DMD: variants seen among roughly 807,000 people sequenced by gnomAD.
DMD encodes dystrophin.
Under a neutral mutation model 330.1 loss-of-function variants are expected in DMD, and 63 were observed. The observed-to-expected ratio is 0.19, with a 90% CI of 0.16 to 0.24. The LOEUF is 0.24. Ranked by LOEUF, DMD falls within the 10% of genes least tolerant of loss-of-function variation. DMD has a pLI of 1.00. For synonymous variants in DMD, 1,223 were observed against 959.8 expected (o/e 1.27, Z -5.07); for missense variants, 3,344 against 2,684.1 (o/e 1.25, Z -5.43).
intron 1 of DMD, among the ~76,000 whole-genome samples, chrX:33,246,620 TTCTC>T (rs779062177): frequency 1.1e-4 from 12 of 111,972 alleles, no homozygotes; most frequent in African/African-American, 3.9e-4. Flanking sequence ...ATAAGAATCA[TTCTC>T]TCAGGCATTA....
chrX:33,008,793 C>CGTATATACACGTATATATGT (rs2093452887), intron 2 of DMD, among the ~76,000 whole-genome samples: 2 of 58,150 alleles, frequency 3.4e-5, no homozygotes, highest in Non-Finnish European at 6.4e-5. Flanking sequence ...ACTATATATA[C>CGTATATACACGTATATATGT]GTATATATAC....
intron 34 of DMD, among the ~76,000 whole-genome samples, chrX:32,372,735 G>A (rs193246580): frequency 2.7e-5 from 3 of 111,152 alleles, no homozygotes; most frequent in Admixed American, 9.6e-5. Flanking sequence ...GGGCTATGTC[G>A]CTGTAGGAAG....
chrX:32,653,495 T>C (rs1238667861), intron 9 of DMD, among the ~76,000 whole-genome samples: 3 of 111,365 alleles, frequency 2.7e-5, no homozygotes, highest in Non-Finnish European at 5.7e-5. Context: ...TCTGAGGGCT[T>C]TGTTCTGTTC....
At chrX:33,279,367 A>T (rs902628939) in intron 1 of DMD, among the ~76,000 whole-genome samples, 1 of 111,190 alleles carries the variant, frequency 9.0e-6, no homozygotes, top group Non-Finnish European at 1.9e-5. Flanking sequence ...TTTTTCACTC[A>T]GTATAAATTA....
At chrX:32,500,619 A>G (rs2043956559) in intron 19 of DMD, among the ~76,000 whole-genome samples, 1 of 111,838 alleles carries the variant, frequency 8.9e-6, no homozygotes, top group African/African-American at 3.2e-5. Context: ...ACATAATTTT[A>G]TTTAACATGA....
At chrX:32,742,469 G>A (rs1267565323) in intron 7 of DMD, among the ~76,000 whole-genome samples, 1 of 111,171 alleles carries the variant, frequency 9.0e-6, no homozygotes, top group Non-Finnish European at 1.9e-5. Context: ...ATGCCTCATA[G>A]GTAAGAGGAA....
At chrX:32,136,583 AAAC>A (rs1745531529) in intron 44 of DMD, among the ~76,000 whole-genome samples, 1 of 111,283 alleles carries the variant, frequency 9.0e-6, no homozygotes. Context: ...AAACAAAACA[AAAC>A]AAAACAAAAC....
intron 44 of DMD, among the ~76,000 whole-genome samples, chrX:32,031,434 C>T (rs746027159): frequency 2.1e-4 from 23 of 110,781 alleles, no homozygotes; most frequent in African/African-American, 6.9e-4. Context: ...TAGAGCAATA[C>T]CATTTGCGCT....
chrX:31,934,056 T>C (rs905034877), intron 45 of DMD, among the ~76,000 whole-genome samples: 20 of 111,550 alleles, frequency 1.8e-4, no homozygotes, highest in African/African-American at 6.5e-4. Context: ...ATATACGTTA[T>C]ATACCTTGTC....
chrX:32,632,465 C>T (rs950946742), intron 11 of DMD, among the ~76,000 whole-genome samples: 15 of 112,416 alleles, frequency 1.3e-4, no homozygotes, highest in South Asian at 3.7e-4. Flanking sequence ...GTGGGGACTA[C>T]GTGTGGGGGA....
At chrX:31,880,903 A>G (rs1181169869) in intron 47 of DMD, among the ~76,000 whole-genome samples, 1 of 112,071 alleles carries the variant, frequency 8.9e-6, no homozygotes, top group Admixed American at 9.5e-5. Flanking sequence ...ATTCTTAATT[A>G]GTTCAAAAGA....
chrX:32,592,798 T>C (rs12010954), intron 13 of DMD, among the ~76,000 whole-genome samples: 25,533 of 111,510 alleles, frequency 0.23, 4,849 homozygotes, highest in African/African-American at 0.64. Flanking sequence ...TGCTGTAACA[T>C]GCTCCTTGGG....
At chrX:32,679,902 C>T (rs367596367) in intron 9 of DMD, among the ~76,000 whole-genome samples, 441 of 23,585 alleles carry the variant, frequency 0.019, 16 homozygotes, top group African/African-American at 0.071. Flanking sequence ...AATATTTGTA[C>T]TTTTTTTTTT....
In DMD at chrX:32,430,648, C is replaced by A. The variant is rs757604642; in HGVS notation, c.4071+7593G>T. The stretch of plus-strand genomic sequence containing the variant: ...ATAGGCAATATGCTTTACAGTAGAT[C>A]TCTAGGAATTATCTATATTGTATAA... On this transcript the variant is annotated intron_variant, in intron 29 of 78. Transcript: ENST00000357033. Among the ~76,000 whole-genome samples, 10 of 111,581 alleles carry A rather than the reference C, an allele frequency of 9.0e-5. No individual in the cohort carries two copies. The South Asian group carries it at 1.5e-3, about 17-fold the overall frequency.
chrX:32,848,945 T>C (rs2080910287), intron 3 of DMD, among the ~76,000 whole-genome samples: 1 of 110,975 alleles, frequency 9.0e-6, no homozygotes, highest in Non-Finnish European at 1.9e-5. Context: ...TAACTGACTT[T>C]GAACGACAGC....
chrX:31,151,572 A>G lies in DMD; in HGVS notation c.10554-4054T>C, dbSNP rs960698210. Among the ~76,000 whole-genome samples, 4 of 112,407 alleles carry G rather than the reference A, an allele frequency of 3.6e-5. No individual in the cohort carries two copies. The Admixed American group carries it at 3.8e-4, about 11-fold the overall frequency. ...ATTTATTTATAAGGACCCTTGTTCA[A>G]GAGGCATGGTTTGGTATATACAACA... is the stretch of plus-strand genomic sequence containing the variant. On this transcript the variant is annotated intron_variant, in intron 74 of 78. Transcript: ENST00000357033.
intron 60 of DMD, among the ~76,000 whole-genome samples, chrX:31,399,664 A>C (rs770521881): frequency 9.0e-6 from 1 of 111,413 alleles, no homozygotes; most frequent in Non-Finnish European, 1.9e-5. Flanking sequence ...AGAAAGCTGT[A>C]GCTATAGAAG....
At chrX:32,725,048 G>A (rs182186798) in intron 7 of DMD, among the ~76,000 whole-genome samples, 1 of 111,531 alleles carries the variant, frequency 9.0e-6, no homozygotes, top group East Asian at 2.8e-4. Context: ...AATAGTCATT[G>A]TTTGGTTGTA....
At chrX:32,261,778 G>T (rs2097324449) in intron 43 of DMD, among the ~76,000 whole-genome samples, 1 of 111,250 alleles carries the variant, frequency 9.0e-6, no homozygotes, top group African/African-American at 3.3e-5. Context: ...TTCTTCTGTG[G>T]GTTGGGTAAT....
Sources: gnomAD v4.1 joint callset for allele counts (sites outside exome capture counted in the v4.1 genomes callset) on GRCh38, gnomAD v4.1.1 for gene constraint, MANE v1.5 for transcripts, NCBI Gene and HGNC (gene_info 2026-07-23, HGNC 2026-07-21) for gene names.